DIS3L2: variants seen among roughly 807,000 people sequenced by gnomAD.
The protein encoded by DIS3L2 is DIS3-like exonuclease 2.
DIS3L2 carries 34 observed loss-of-function variants against 97.5 expected under a neutral mutation model. The observed-to-expected ratio is 0.35, with a 90% confidence interval of 0.27 to 0.46. The LOEUF (loss-of-function observed/expected upper bound fraction) is 0.46, where lower values mean the gene tolerates loss of function less well. Ranked by LOEUF, DIS3L2 falls within the 20% of genes least tolerant of loss-of-function variation. The pLI, the probability that DIS3L2 is intolerant of heterozygous loss-of-function variation, is 1.00. For synonymous variants in DIS3L2, 435 were observed against 445.2 expected, an observed-to-expected ratio of 0.98 and a Z score of 0.29; for missense variants, 1,038 against 1,146.0, an observed-to-expected ratio of 0.91 and a Z score of 1.36.
intron 9 of DIS3L2, among the ~76,000 whole-genome samples, chr2:232,187,898 AG>A (rs1691491428): frequency 6.6e-6 from 1 of 152,064 alleles, no homozygotes; most frequent in Non-Finnish European, 1.5e-5. Flanking sequence ...GCACTTTGGA[AG>A]GCTGAGGCAG....
chr2:231,974,025 A>G (rs949937374), intron 1 of DIS3L2, among the ~76,000 whole-genome samples: 1 of 152,068 alleles, frequency 6.6e-6, no homozygotes, highest in Non-Finnish European at 1.5e-5. Flanking sequence ...AAAGCTTCCC[A>G]TGTTCCTAAT....
intron 14 of DIS3L2, among the ~76,000 whole-genome samples, chr2:232,310,466 GTC>G (rs989786935): frequency 3.3e-5 from 5 of 152,174 alleles, no homozygotes; most frequent in African/African-American, 9.7e-5. Flanking sequence ...CGAAGGGAGT[GTC>G]TCTCCACCGT....
chr2:232,260,205 A>G (rs1041424891), intron 12 of DIS3L2: 2 of 152,380 alleles, frequency 1.3e-5, no homozygotes, highest in African/African-American at 4.8e-5. Context: ...GTAGACGCAC[A>G]GGAGGAGTGA....
chr2:232,301,835 C>CTT lies in DIS3L2; in HGVS notation c.1739+1738_1739+1739dup, dbSNP rs557282669. 1.8e-3 allele frequency among the ~76,000 whole-genome samples: 185 copies of CTT among 105,430 alleles called. 1 individual carries two copies. The highest frequency in any genetic ancestry group is 4.8e-3 in the East Asian group (14 of 2,934). 69.2% of individuals were successfully genotyped at this position (105,430 alleles called of 152,430 possible). A position where few individuals can be genotyped will look rare whatever the true frequency, so the allele number is the denominator to read the frequency against. ...TGTGAGAAGAGAAAATAGCCTAGCTCTTTTTTTTTTTTTTTTTTTTTTTAA... is the reference window on the plus strand; with the variant it reads ...TGTGAGAAGAGAAAATAGCCTAGCTCTTTTTTTTTTTTTTTTTTTTTTTTTAA... On this transcript the variant is annotated intron_variant, in intron 14 of 20. Coordinates refer to ENST00000325385, the MANE Select transcript of DIS3L2 (RefSeq NM_152383.5).
chr2:232,280,965 G>A (rs947891849), intron 13 of DIS3L2, among the ~76,000 whole-genome samples: 1 of 152,198 alleles, frequency 6.6e-6, no homozygotes, highest in African/African-American at 2.4e-5. Flanking sequence ...CCCAGGCAGA[G>A]CATTGCCGTG....
At chr2:232,221,030 A>G (rs1414058902) in intron 10 of DIS3L2, among the ~76,000 whole-genome samples, 1 of 139,400 alleles carries the variant, frequency 7.2e-6, no homozygotes, top group Non-Finnish European at 1.5e-5. Context: ...TGAATCCAGG[A>G]GGCGGAGGCT....
At chr2:232,007,744 C>A (rs950593914) in intron 1 of DIS3L2, among the ~76,000 whole-genome samples, 4 of 152,110 alleles carry the variant, frequency 2.6e-5, no homozygotes, top group Admixed American at 2.0e-4. Flanking sequence ...AAAATTGATT[C>A]AAGAAGAAAT....
At chr2:232,130,887 T>TA (rs1698198786) in intron 7 of DIS3L2, 168 bp downstream of exon 7, 1 of 1,008,616 alleles carries the variant, frequency 9.9e-7, no homozygotes. Context: ...AACATATAAA[T>TA]ACGAATCCAT....
intron 5 of DIS3L2, among the ~76,000 whole-genome samples, chr2:232,081,050 ATTTG>A (rs1227516641): frequency 1.7e-4 from 26 of 152,208 alleles, no homozygotes; most frequent in African/African-American, 4.6e-4. Context: ...AAACTGGGTT[ATTTG>A]TTCTACAAAA....
At chr2:231,973,733 G>A (rs181715012) in intron 1 of DIS3L2, among the ~76,000 whole-genome samples, 4 of 152,020 alleles carry the variant, frequency 2.6e-5, no homozygotes, top group Admixed American at 6.6e-5. Flanking sequence ...GCTGCAACTC[G>A]GGCTACATAT....
intron 5 of DIS3L2, among the ~76,000 whole-genome samples, chr2:232,062,087 A>T (rs1194268489): frequency 1.4e-5 from 2 of 141,496 alleles, no homozygotes; most frequent in Admixed American, 1.4e-4. Context: ...CTGTTCAGCT[A>T]CGGGGCGGGC....
chr2:232,343,780 C>T (rs1046327931), exon 14 of DIS3L2: 13 of 558,128 alleles, frequency 2.3e-5, no homozygotes, highest in Non-Finnish European at 4.2e-5. Flanking sequence ...CAGAGGTTTG[C>T]AGCAGATGCC....
intron 9 of DIS3L2, among the ~76,000 whole-genome samples, chr2:232,197,890 G>A (rs1163534885): frequency 2.0e-5 from 3 of 151,846 alleles, no homozygotes; most frequent in Admixed American, 6.6e-5. Flanking sequence ...AACCCGGGAG[G>A]GGAGGCGGAG....
intron 14 of DIS3L2, among the ~76,000 whole-genome samples, chr2:232,327,461 A>G (rs1333694398): frequency 1.3e-5 from 2 of 152,266 alleles, no homozygotes; most frequent in Non-Finnish European, 2.9e-5. Context: ...TGCCTGGCAC[A>G]TAGTAGTTTT....
chr2:232,101,905 G>A (rs148175978), intron 6 of DIS3L2, among the ~76,000 whole-genome samples: 13 of 152,300 alleles, frequency 8.5e-5, no homozygotes, highest in Non-Finnish European at 1.5e-4. Context: ...TAAAACTATT[G>A]AGATAAAGGT....
At position 232,325,092 on chromosome 2, in the gene DIS3L2, A is replaced by C. The variant is rs1226320762; in HGVS notation, c.1740-4721A>C. Among the ~76,000 whole-genome samples the C allele has an allele frequency of 1.3e-5, 2 of 152,212 alleles. No homozygotes were observed. The highest frequency in any genetic ancestry group is 2.9e-5 in the Non-Finnish European group (2 of 68,034). On this transcript the variant is annotated intron_variant, in intron 14 of 20. Coordinates refer to ENST00000325385, the MANE Select transcript of DIS3L2 (RefSeq NM_152383.5). This position sits in a 1 kb window ranked among gnomAD's most constrained non-coding sequence, Gnocchi z 4.6. ...CAGGGAAGGCAGGCTTCCTCTGAAG[A>C]GCAGATCGCTTTACCCCTTTCTCAT... is the stretch of plus-strand genomic sequence containing the variant.
At chr2:232,092,423 T>G (rs1384658754) in intron 6 of DIS3L2, among the ~76,000 whole-genome samples, 1 of 147,498 alleles carries the variant, frequency 6.8e-6, no homozygotes, top group African/African-American at 2.5e-5. Context: ...AATTTTAGGA[T>G]TTTTTTTTTC....
chr2:232,270,921 G>GTCTC (rs149683438), intron 13 of DIS3L2, among the ~76,000 whole-genome samples: 11 of 62,614 alleles, frequency 1.8e-4, no homozygotes, highest in South Asian at 5.3e-4. Context: ...TCTCTGTCTC[G>GTCTC]TCTCTCTCTC....
chr2:232,277,536 A>G (rs1010873563), intron 13 of DIS3L2, among the ~76,000 whole-genome samples: 2 of 151,966 alleles, frequency 1.3e-5, no homozygotes, highest in Non-Finnish European at 2.9e-5. Flanking sequence ...TTATTATTTT[A>G]TTATAAAAGT....
Sources: allele counts gnomAD v4.1 joint callset (sites outside exome capture counted in the v4.1 genomes callset), GRCh38; gene constraint gnomAD v4.1.1; non-coding constraint Gnocchi (gnomAD v3.1); transcripts MANE v1.5; gene names NCBI Gene and HGNC (gene_info 2026-07-23, HGNC 2026-07-21).